Variants in ZDHHC3 observed in about 807,000 individuals in gnomAD.
ZDHHC3 encodes the protein palmitoyltransferase ZDHHC3.
ZDHHC3 carries 9 observed loss-of-function variants against 30.6 expected under a neutral mutation model. That is an observed-to-expected ratio of 0.29 (90% confidence interval 0.18 to 0.51). The LOEUF (loss-of-function observed/expected upper bound fraction) is 0.51, where lower values mean the gene tolerates loss of function less well. Among genes scored for constraint, ZDHHC3 ranks in the 20% least tolerant of loss-of-function variants. The pLI is 0.97. For synonymous variants in ZDHHC3, 136 were observed against 140.2 expected, an observed-to-expected ratio of 0.97 and a Z score of 0.21; for missense variants, 246 against 384.2, an observed-to-expected ratio of 0.64 and a Z score of 3.01.
In ZDHHC3 at chr3:44,924,668, G is replaced by A. The variant is rs1700842894; in HGVS notation, c.*2021C>T. ...TTTAAAAAATGCCCTGGAAGATGGAGTATTACCAATCTCTTCCCCCTAGGG... is the reference window on the plus strand; with the variant it reads ...TTTAAAAAATGCCCTGGAAGATGGAATATTACCAATCTCTTCCCCCTAGGG... On this transcript the variant is annotated 3_prime_UTR_variant, in exon 7 of 7. Transcript: ENST00000424952. 1.0e-6 allele frequency: 1 copy of A among 985,466 alleles called. No homozygotes were observed. 61.0% of individuals were successfully genotyped at this position (985,466 alleles called of 1,614,324 possible). A position where few individuals can be genotyped will look rare whatever the true frequency, so the allele number is the denominator to read the frequency against.
At chr3:44,962,195 A>G (rs1704537164) in intron 1 of ZDHHC3, among the ~76,000 whole-genome samples, 1 of 152,224 alleles carries the variant, frequency 6.6e-6, no homozygotes, top group African/African-American at 2.4e-5. Context: ...ATAAATGGAT[A>G]ATCACTGAAA....
intron 1 of ZDHHC3, among the ~76,000 whole-genome samples, chr3:44,961,323 C>T (rs371456641): frequency 5.5e-4 from 83 of 152,230 alleles, no homozygotes; most frequent in African/African-American, 1.8e-3. Flanking sequence ...ACCCAGGAGG[C>T]GGAGCTTGCA....
chr3:44,917,912 CCA>C lies in ZDHHC3; in HGVS notation c.*8775_*8776del, dbSNP rs1446248508. The C allele has an allele frequency of 7.7e-7, 1 of 1,303,882 alleles. No homozygotes were observed. The highest frequency in any genetic ancestry group is 1.0e-6 in the Non-Finnish European group (1 of 988,984). The allele number at this position is 1,303,882 out of a possible 1,614,324, so 80.8% of individuals were successfully genotyped here. On this transcript the variant is annotated 3_prime_UTR_variant, in exon 7 of 7. Transcript: ENST00000424952. Reference sequence around the variant, plus strand: ...AGCAGCATCTATTCATCTGTCACCTCCACAGAGTCCTCGTCCTTTGTCTCCTC... The same window carrying C: ...AGCAGCATCTATTCATCTGTCACCTCCAGAGTCCTCGTCCTTTGTCTCCTC...
intron 2 of ZDHHC3, among the ~76,000 whole-genome samples, chr3:44,954,367 T>C (rs1703740528): frequency 6.6e-6 from 1 of 152,252 alleles, no homozygotes; most frequent in Non-Finnish European, 1.5e-5. Context: ...TGTTTAGATA[T>C]ACAAATATTA....
rs551485755 is a variant in ZDHHC3, at chr3:44,954,584, A to G, written c.306+4547T>C. On this transcript the variant is annotated intron_variant, in intron 2 of 6. Transcript: ENST00000424952. ...AGAACTTATCCCCATCAAGTGACAC[A>G]TGACTGTATATTCCTCCTTTTCTCA... Among the ~76,000 whole-genome samples the G allele has an allele frequency of 5.0e-4, 76 of 152,340 alleles. 1 individual carries two copies. Among genetic ancestry groups the G allele is most frequent in the African/African-American group, 1.6e-3 (68 of 41,578 alleles).
intron 1 of ZDHHC3, among the ~76,000 whole-genome samples, chr3:44,962,397 TA>T (rs1704552685): frequency 1.3e-5 from 2 of 152,112 alleles, no homozygotes; most frequent in South Asian, 2.1e-4. Context: ...CCCTTCCACG[TA>T]AGTAACTTCC....
At position 44,926,121 on chromosome 3, in the gene ZDHHC3, G is replaced by A; in HGVS notation, c.*568C>T. 1 of 985,912 alleles carries A rather than the reference G, an allele frequency of 1.0e-6. No homozygotes were observed. Among genetic ancestry groups the A allele is most frequent in the African/African-American group, 1.7e-5 (1 of 57,376 alleles). 61.1% of individuals were successfully genotyped at this position (985,912 alleles called of 1,614,324 possible). A position where few individuals can be genotyped will look rare whatever the true frequency, so the allele number is the denominator to read the frequency against. On this transcript the variant is annotated 3_prime_UTR_variant, in exon 7 of 7. Transcript: ENST00000424952. ...TACAAGGCAGGCAATTGCTTTGCGA[G>A]TTAGCAGGCAAACCGTGTCCACTTG...
Position 44,933,056 on chromosome 3 carries a change from G to GC in ZDHHC3, c.610+61dup, listed in dbSNP as rs1242359578. ...CATGAAGGAAACAAAGAGCCTCCCC[G>GC]CCCCCCACTCAGGTCACACACCCAC... is the stretch of plus-strand genomic sequence containing the variant. On this transcript the variant is annotated intron_variant, in intron 5 of 6. Transcript: ENST00000424952. 8.1e-6 allele frequency: 13 copies of GC among 1,611,048 alleles called. No homozygotes were observed. The Admixed American group carries it at 1.8e-4, about 23-fold the overall frequency.
chr3:44,917,696 G>T lies in ZDHHC3; in HGVS notation c.*8993C>A. The T allele has an allele frequency of 2.2e-6, 1 of 454,478 alleles. No individual in the cohort carries two copies. Among genetic ancestry groups the T allele is most frequent in the Non-Finnish European group, 3.7e-6 (1 of 270,200 alleles). 28.2% of individuals were successfully genotyped at this position (454,478 alleles called of 1,614,324 possible). A position where few individuals can be genotyped will look rare whatever the true frequency, so the allele number is the denominator to read the frequency against. ...GAGAAAGCCCCCATCCTCCTCTGAT[G>T]TCCCCAGCCTACTCCCGACCCCCAG... On this transcript the variant is annotated 3_prime_UTR_variant, in exon 7 of 7. Coordinates refer to ENST00000424952, the MANE Select transcript of ZDHHC3 (RefSeq NM_001135179.2).
At chr3:44,945,115 G>A (rs2125866344) in intron 3 of ZDHHC3, 53 bp downstream of exon 3, 1 of 1,610,298 alleles carries the variant, frequency 6.2e-7, no homozygotes, top group Admixed American at 1.7e-5. Flanking sequence ...TGGCGGGGAT[G>A]GAGGGAGGCA....
chr3:44,918,339 T>A lies in ZDHHC3; in HGVS notation c.*8350A>T, dbSNP rs1158008911. 1 of 984,406 alleles carries A rather than the reference T, an allele frequency of 1.0e-6. No homozygotes were observed. The highest frequency in any genetic ancestry group is 6.2e-5 in the Admixed American group (1 of 16,166). 61.0% of individuals were successfully genotyped at this position (984,406 alleles called of 1,614,324 possible). A position where few individuals can be genotyped will look rare whatever the true frequency, so the allele number is the denominator to read the frequency against. ...GAGGTCCCTCAGAGGACTGCTGGGG[T>A]GTGGGTGGACAGCAGCGTGGAGGAA... On this transcript the variant is annotated 3_prime_UTR_variant, in exon 7 of 7. Transcript: ENST00000424952.
intron 2 of ZDHHC3, chr3:44,958,754 T>C (rs141431444): frequency 7.6e-7 from 1 of 1,313,230 alleles, no homozygotes; most frequent in East Asian, 2.5e-5. Flanking sequence ...GGAAGCCCAA[T>C]CCTGACCCAA....
At chr3:44,974,850 T>C (rs1266805966) in intron 1 of ZDHHC3, among the ~76,000 whole-genome samples, 1 of 152,214 alleles carries the variant, frequency 6.6e-6, no homozygotes, top group Non-Finnish European at 1.5e-5. Flanking sequence ...CCAATCCCAC[T>C]GTGCCCACTG....
chr3:44,934,937 G>A (rs1205468224), intron 3 of ZDHHC3, among the ~76,000 whole-genome samples: 1 of 148,244 alleles, frequency 6.7e-6, no homozygotes, highest in Non-Finnish European at 1.5e-5. Context: ...CTTAACTGTC[G>A]ACCAGATCAG....
intron 4 of ZDHHC3, 176 bp from the exon 5 acceptor site, chr3:44,933,375 C>T (rs1701669034): frequency 3.2e-6 from 2 of 630,852 alleles, no homozygotes; most frequent in East Asian, 2.7e-5. Context: ...TACCCACCAG[C>T]CCTGGGTCAA....
rs955917403 is a variant in ZDHHC3, at chr3:44,920,212, T to C, written c.*6477A>G. On this transcript the variant is annotated 3_prime_UTR_variant, in exon 7 of 7. Transcript: ENST00000424952. ...GGGACCTTCATGTGGGTCATGAGCA[T>C]GTGATGCCATGCTGCTTCCTGACTG... 3 of 1,289,970 alleles carry C rather than the reference T, an allele frequency of 2.3e-6. No homozygotes were observed. The highest frequency in any genetic ancestry group is 2.0e-6 in the Non-Finnish European group (2 of 988,898). The allele number at this position is 1,289,970 out of a possible 1,614,324, so 79.9% of individuals were successfully genotyped here. A position where few individuals can be genotyped will look rare whatever the true frequency, so the allele number is the denominator to read the frequency against.
intron 5 of ZDHHC3, among the ~76,000 whole-genome samples, chr3:44,932,427 T>G (rs1177027301): frequency 6.6e-6 from 1 of 152,204 alleles, no homozygotes; most frequent in Non-Finnish European, 1.5e-5. Context: ...ACAATGTTCC[T>G]TGCTCAAGAC....
intron 1 of ZDHHC3, among the ~76,000 whole-genome samples, chr3:44,962,495 A>AGAAGGAAAGAAGGAAG (rs1704563680): frequency 8.9e-6 from 1 of 112,202 alleles, no homozygotes; most frequent in Non-Finnish European, 1.8e-5. Context: ...AAAGGGAGAG[A>AGAAGGAAAGAAGGAAG]GAAGGAAGGA....
At chr3:44,930,709 T>G (rs556416288) in intron 5 of ZDHHC3, among the ~76,000 whole-genome samples, 1 of 152,246 alleles carries the variant, frequency 6.6e-6, no homozygotes, top group African/African-American at 2.4e-5. Context: ...TCATCCACAA[T>G]GCATATCTCC....
Sources: gnomAD v4.1 joint callset for allele counts (sites outside exome capture counted in the v4.1 genomes callset) on GRCh38, gnomAD v4.1.1 for gene constraint, MANE v1.5 for transcripts, NCBI Gene and HGNC (gene_info 2026-07-23, HGNC 2026-07-21) for gene names.